The following QTMAN variants were observed in gnomAD, a reference collection of about 807,000 sequenced individuals.
QTMAN encodes the protein tRNA-queuosine alpha-mannosyltransferase.
the QTMAN span, among the ~76,000 whole-genome samples, chr2:144,067,225 T>C: frequency 6.6e-6 from 1 of 152,264 alleles, no homozygotes; most frequent in Non-Finnish European, 1.5e-5. Flanking sequence ...GACTAGGATT[T>C]AAAACTATGC....
chr2:144,013,804 CCAAA>C, the QTMAN span, among the ~76,000 whole-genome samples: 1 of 152,074 alleles, frequency 6.6e-6, no homozygotes, highest in African/African-American at 2.4e-5. Flanking sequence ...TTCCTTGTTG[CCAAA>C]CAATGTGGTG....
At chr2:144,006,823 G>A in the QTMAN span, 25 of 172,080 alleles carry the variant, frequency 1.5e-4, no homozygotes, top group Non-Finnish European at 2.9e-4. Flanking sequence ...TGCTGTATCA[G>A]TGTGTATATA....
At chr2:144,097,262 T>C in the QTMAN span, among the ~76,000 whole-genome samples, 2 of 152,218 alleles carry the variant, frequency 1.3e-5, no homozygotes, top group Admixed American at 6.5e-5. Context: ...TCAAATTACT[T>C]ACTACTTAAA....
chr2:144,232,045 T>G, the QTMAN span, among the ~76,000 whole-genome samples: 1 of 152,212 alleles, frequency 6.6e-6, no homozygotes. Context: ...ACCTAAAGAT[T>G]TAATTCATAT....
At chr2:144,260,285 C>T in the QTMAN span, among the ~76,000 whole-genome samples, 1 of 151,940 alleles carries the variant, frequency 6.6e-6, no homozygotes, top group Non-Finnish European at 1.5e-5. Context: ...ACTCCTGCTT[C>T]ACCTTCATTT....
the QTMAN span, among the ~76,000 whole-genome samples, chr2:144,308,269 C>A: frequency 6.7e-6 from 1 of 149,930 alleles, no homozygotes; most frequent in Admixed American, 6.7e-5. Context: ...CAGGTTCAAG[C>A]GATTCTCCTG....
chr2:144,019,567 A>G, the QTMAN span, among the ~76,000 whole-genome samples: 1 of 151,988 alleles, frequency 6.6e-6, no homozygotes. Flanking sequence ...GTTCCTCTAT[A>G]TAGAGGTACA....
chr2:144,022,627 G>A, the QTMAN span, among the ~76,000 whole-genome samples: 2 of 136,462 alleles, frequency 1.5e-5, no homozygotes, highest in Admixed American at 7.9e-5. Context: ...GCAGTGGCAC[G>A]ATCTCGGCTC....
chr2:143,970,906 A>G, the QTMAN span: 11 of 621,882 alleles, frequency 1.8e-5, no homozygotes, highest in South Asian at 1.8e-4. Context: ...ATTTCTTCCT[A>G]TAACTTCACA....
the QTMAN span, among the ~76,000 whole-genome samples, chr2:144,036,638 A>G: frequency 6.6e-6 from 1 of 152,220 alleles, no homozygotes; most frequent in Admixed American, 6.5e-5. Context: ...ATTTGGTACC[A>G]TATACATAAC....
At chr2:144,165,374 A>T in the QTMAN span, among the ~76,000 whole-genome samples, 4 of 150,742 alleles carry the variant, frequency 2.7e-5, no homozygotes, top group Non-Finnish European at 4.4e-5. Context: ...CCGTCTCAAA[A>T]AAATAAATAA....
At chr2:144,283,610 T>G in the QTMAN span, among the ~76,000 whole-genome samples, 1 of 152,178 alleles carries the variant, frequency 6.6e-6, no homozygotes, top group Non-Finnish European at 1.5e-5. Flanking sequence ...CATTTGAAAT[T>G]AAAATTTTGC....
At chr2:144,323,184 G>C in the QTMAN span, among the ~76,000 whole-genome samples, 10 of 152,250 alleles carry the variant, frequency 6.6e-5, no homozygotes, top group Middle Eastern at 3.4e-3. Flanking sequence ...AATTTGGCTA[G>C]TTTCACTAGC....
At chr2:144,296,348 CA>C in the QTMAN span, among the ~76,000 whole-genome samples, 2 of 151,774 alleles carry the variant, frequency 1.3e-5, no homozygotes, top group East Asian at 1.9e-4. Flanking sequence ...TAAACTAAAC[CA>C]AAAGAAAGGC....
At chr2:144,239,478 T>C in the QTMAN span, among the ~76,000 whole-genome samples, 2 of 152,140 alleles carry the variant, frequency 1.3e-5, no homozygotes, top group Non-Finnish European at 2.9e-5. Flanking sequence ...CCAGAAGTGA[T>C]GCTGCTGACT....
At chr2:144,043,167 GTAGT>G in the QTMAN span, among the ~76,000 whole-genome samples, 1,822 of 152,108 alleles carry the variant, frequency 0.012, 25 homozygotes, top group Non-Finnish European at 0.017. Flanking sequence ...GCAGTTTGGA[GTAGT>G]TAATTTCTAT....
At chr2:144,231,931 G>A in the QTMAN span, among the ~76,000 whole-genome samples, 1 of 148,088 alleles carries the variant, frequency 6.8e-6, no homozygotes, top group Admixed American at 6.8e-5. Context: ...TCAGACCTTG[G>A]CACAGGGGAT....
chr2:144,121,379 C>A, the QTMAN span, among the ~76,000 whole-genome samples: 1 of 152,166 alleles, frequency 6.6e-6, no homozygotes, highest in African/African-American at 2.4e-5. Context: ...GAGGGACAGA[C>A]CAGGGGCTCA....
chr2:144,221,395 T>C, the QTMAN span, among the ~76,000 whole-genome samples: 1 of 152,190 alleles, frequency 6.6e-6, no homozygotes, highest in South Asian at 2.1e-4. Flanking sequence ...AAAAATATAA[T>C]GAATATATAT....
Sources: gnomAD v4.1 joint callset for allele counts (sites outside exome capture counted in the v4.1 genomes callset) on GRCh38, gnomAD v4.1.1 for gene constraint, MANE v1.5 for transcripts, NCBI Gene and HGNC (gene_info 2026-07-23, HGNC 2026-07-21) for gene names.